The following ATP10A variants were observed in gnomAD, a reference collection of about 807,000 sequenced individuals.
ATP10A encodes the protein ATPase phospholipid transporting 10A (putative).
In ATP10A, 111 loss-of-function variants were observed where a neutral mutation model predicts 147.8. That is an observed-to-expected ratio of 0.75 (90% CI 0.64 to 0.88). ATP10A has a LOEUF of 0.88. Among genes scored for constraint, ATP10A ranks in the 40% least tolerant of loss-of-function variants. The pLI is 0.00. For missense variants in ATP10A, 1,927 were observed against 1,959.0 expected (o/e 0.98, Z 0.31); for synonymous variants, 875 against 841.6 (o/e 1.04, Z -0.69).
chr15:25,798,571 T>A (rs1596908473), intron 1 of ATP10A, among the ~76,000 whole-genome samples: 1 of 152,242 alleles, frequency 6.6e-6, no homozygotes, highest in Non-Finnish European at 1.5e-5. Flanking sequence ...GACAGCCTAC[T>A]GCAGCCTCTA....
intron 2 of ATP10A, among the ~76,000 whole-genome samples, chr15:25,774,259 C>A (rs1004953457): frequency 6.6e-6 from 1 of 152,164 alleles, no homozygotes; most frequent in South Asian, 2.1e-4. Context: ...TTATTATCAA[C>A]TTCATGGCAT....
At chr15:25,730,139 A>C (rs1157053650) in intron 3 of ATP10A, among the ~76,000 whole-genome samples, 1 of 150,468 alleles carries the variant, frequency 6.6e-6, no homozygotes, top group African/African-American at 2.4e-5. Flanking sequence ...AAAAATACAA[A>C]AAAAAAAAAA....
chr15:25,838,443 C>T (rs1032126210), intron 1 of ATP10A, among the ~76,000 whole-genome samples: 4 of 152,156 alleles, frequency 2.6e-5, no homozygotes, highest in Non-Finnish European at 5.9e-5. Context: ...GACACCTTCA[C>T]ATCCCCAGCA....
rs549342709 is a variant in ATP10A at position 25,861,078 on chromosome 15, G to GA, written c.449+1569dup. 4.0e-3 allele frequency among the ~76,000 whole-genome samples: 612 copies of GA among 152,248 alleles called. 4 individuals carry two copies. The highest frequency in any genetic ancestry group is 0.014 in the African/African-American group (588 of 41,546). Reference sequence around the variant, plus strand: ...CAGGCTTCTGGTGAACAGGGGCCAGGAAATCCCACAGCCCGGTCTAATGAC... The same window carrying GA: ...CAGGCTTCTGGTGAACAGGGGCCAGGAAAATCCCACAGCCCGGTCTAATGAC... On this transcript the variant is annotated intron_variant, in intron 1 of 20. Transcript: ENST00000555815.
rs1901670309 is a variant in ATP10A at position 25,714,673 on chromosome 15, G to A, written c.1777-432C>T. 2.6e-5 allele frequency among the ~76,000 whole-genome samples: 4 copies of A among 152,110 alleles called. No individual in the cohort carries two copies. In the South Asian group the frequency reaches 8.3e-4, roughly 32 times the overall value. ...GTGGCATCTGCAGGCTTCTTTTGGG[G>A]CTGTCCCTGCACTACAGTGTCCCCT... On this transcript the variant is annotated intron_variant, in intron 9 of 20. Coordinates refer to ENST00000555815, the MANE Select transcript of ATP10A (RefSeq NM_024490.4).
At chr15:25,745,011 A>G (rs942690052) in intron 2 of ATP10A, among the ~76,000 whole-genome samples, 1 of 152,170 alleles carries the variant, frequency 6.6e-6, no homozygotes, top group Non-Finnish European at 1.5e-5. Context: ...AATGATGAAA[A>G]CCAAAGAAAA....
chr15:25,739,367 C>T (rs917275839), intron 2 of ATP10A, among the ~76,000 whole-genome samples: 11 of 152,172 alleles, frequency 7.2e-5, no homozygotes, highest in African/African-American at 2.7e-4. Context: ...TGGATGTGGG[C>T]TTACCAGAGC....
intron 1 of ATP10A, among the ~76,000 whole-genome samples, chr15:25,801,162 G>A (rs1189514566): frequency 6.6e-6 from 1 of 152,152 alleles, no homozygotes; most frequent in Non-Finnish European, 1.5e-5. Flanking sequence ...AGGCTGTCCT[G>A]TGCATGCTGG....
chr15:25,767,900 G>A (rs1211674571), intron 2 of ATP10A, among the ~76,000 whole-genome samples: 2 of 152,216 alleles, frequency 1.3e-5, no homozygotes, highest in Admixed American at 6.5e-5. Flanking sequence ...TGTCTGAGAC[G>A]CATCTAACAT....
intron 7 of ATP10A, among the ~76,000 whole-genome samples, chr15:25,719,624 C>T (rs747665684): frequency 1.7e-4 from 26 of 152,024 alleles, no homozygotes; most frequent in Admixed American, 1.3e-4. Flanking sequence ...TTCAGGGCCC[C>T]CTCCTTCCCT....
intron 1 of ATP10A, among the ~76,000 whole-genome samples, chr15:25,784,273 G>T (rs896348323): frequency 6.6e-6 from 1 of 152,124 alleles, no homozygotes; most frequent in Non-Finnish European, 1.5e-5. Flanking sequence ...GTTGCGATGG[G>T]GTCCCCAGGA....
chr15:25,726,897 C>CAA (rs57151119), intron 4 of ATP10A, among the ~76,000 whole-genome samples: 2,656 of 140,526 alleles, frequency 0.019, 87 homozygotes, highest in African/African-American at 0.06. Flanking sequence ...TAAAAAAATA[C>CAA]AAAAAAAAAA....
At chr15:25,822,713 A>C (rs1396751095) in intron 1 of ATP10A, among the ~76,000 whole-genome samples, 2 of 152,204 alleles carry the variant, frequency 1.3e-5, no homozygotes, top group African/African-American at 4.8e-5. Flanking sequence ...TGCTGCTTAG[A>C]AAATAATTAT....
At chr15:25,691,364 T>C (rs561923850) in intron 15 of ATP10A, among the ~76,000 whole-genome samples, 1 of 152,166 alleles carries the variant, frequency 6.6e-6, no homozygotes, top group African/African-American at 2.4e-5. Flanking sequence ...CAAATGGTAT[T>C]GCTCCGTGTT....
intron 10 of ATP10A, among the ~76,000 whole-genome samples, chr15:25,711,843 C>T (rs1324308752): frequency 1.3e-5 from 2 of 152,162 alleles, no homozygotes; most frequent in African/African-American, 2.4e-5. Flanking sequence ...TGGGCAGGGG[C>T]TCCCCTACCC....
Position 25,679,494 on chromosome 15 carries a change from C to A in ATP10A, c.4347G>T (p.Arg1449Ser). The change falls in exon 21 of 21, where the codon AGG (arginine) becomes AGT (serine). Residue 1449 changes from arginine to serine, a missense_variant. Physicochemically the swap from Arg to Ser is moderately radical, Grantham distance 110. Transcript: ENST00000555815. ...GGGAGAACTGTAAGACACTCCCCAG[C>A]CTGCTGACCAGCGACCAGGAGGAAA... ...NWISSWSLVS[R>S]LGSVLQFSRT... 1 of 1,613,910 alleles carries A rather than the reference C, an allele frequency of 6.2e-7. No individual in the cohort carries two copies. The highest frequency in any genetic ancestry group is 8.5e-7 in the Non-Finnish European group (1 of 1,179,876).
chr15:25,723,307 C>T (rs1013753464), intron 6 of ATP10A, among the ~76,000 whole-genome samples: 3 of 150,798 alleles, frequency 2.0e-5, no homozygotes, highest in Non-Finnish European at 4.4e-5. Flanking sequence ...AAGATCGTGT[C>T]ACTGCACTCC....
At chr15:25,862,620 C>G (rs946976697) in intron 1 of ATP10A, 28 bp downstream of exon 1, 2 of 1,521,922 alleles carry the variant, frequency 1.3e-6, no homozygotes, top group Non-Finnish European at 1.8e-6. Context: ...CGCCACCGCG[C>G]GCTCGCTCGC....
At chr15:25,852,113 C>T (rs1893323119) in intron 1 of ATP10A, among the ~76,000 whole-genome samples, 1 of 152,058 alleles carries the variant, frequency 6.6e-6, no homozygotes. Flanking sequence ...CTGCTATCTT[C>T]TCTCTTCCCC....
Sources: gnomAD v4.1 joint callset for allele counts (sites outside exome capture counted in the v4.1 genomes callset) on GRCh38, gnomAD v4.1.1 for gene constraint, MANE v1.5 for transcripts, NCBI Gene and HGNC (gene_info 2026-07-23, HGNC 2026-07-21) for gene names.